Variants in WWOX observed in about 807,000 individuals in gnomAD.
WWOX encodes WW domain containing oxidoreductase.
In WWOX, 69 loss-of-function variants were observed where a neutral mutation model predicts 46.2. The ratio of observed to expected loss-of-function variants is 1.49; its 90% CI spans 1.23 to 1.82. The LOEUF is 1.82. Among genes scored for constraint, WWOX ranks in the 40% most tolerant of loss-of-function variants. The pLI is 0.00. For missense variants in WWOX, 919 were observed against 542.6 expected (o/e 1.69, Z -6.89); for synonymous variants, 359 against 202.6 (o/e 1.77, Z -6.56).
intron 4 of WWOX, among the ~76,000 whole-genome samples, chr16:78,158,233 GT>G (rs1233158915): frequency 1.4e-4 from 21 of 152,294 alleles, no homozygotes; most frequent in African/African-American, 5.1e-4. Context: ...GAAGATAACG[GT>G]ATGCTGATTT....
intron 8 of WWOX, chr16:78,896,845 A>G (rs957882615): frequency 5.9e-5 from 9 of 152,230 alleles, no homozygotes; most frequent in African/African-American, 1.4e-4. Context: ...TGTTCTATAA[A>G]ATTAGCATAT....
intron 8 of WWOX, among the ~76,000 whole-genome samples, chr16:79,023,956 A>AAAAC (rs111358818): frequency 0.76 from 114,656 of 150,860 alleles, 44,342 homozygotes; most frequent in East Asian, 0.94. Flanking sequence ...TCCATCTCAA[A>AAAAC]AAACAAACAA....
chr16:78,702,123 T>TA (rs202235289), intron 8 of WWOX, among the ~76,000 whole-genome samples: 23,192 of 124,774 alleles, frequency 0.19, 2,820 homozygotes, highest in South Asian at 0.27. Flanking sequence ...TATATATATA[T>TA]TTATTTATTT....
chr16:78,965,681 TGTC>T (rs1439353222), intron 8 of WWOX, among the ~76,000 whole-genome samples: 1 of 152,228 alleles, frequency 6.6e-6, no homozygotes, highest in Middle Eastern at 3.2e-3. Context: ...AACCCAGTTC[TGTC>T]GTCGTCATTT....
At chr16:78,975,400 G>A (rs990859701) in intron 8 of WWOX, among the ~76,000 whole-genome samples, 4 of 151,926 alleles carry the variant, frequency 2.6e-5, no homozygotes, top group African/African-American at 9.7e-5. Context: ...AATCTTACGT[G>A]GTCCTGGATG....
intron 5 of WWOX, among the ~76,000 whole-genome samples, chr16:78,355,107 G>A (rs35192490): frequency 0.099 from 15,069 of 151,712 alleles, 823 homozygotes; most frequent in African/African-American, 0.13. Context: ...ACTCCAGCCT[G>A]GGTCACAGAG....
At chr16:78,464,513 C>G (rs1885703808) in intron 8 of WWOX, among the ~76,000 whole-genome samples, 1 of 152,090 alleles carries the variant, frequency 6.6e-6, no homozygotes, top group South Asian at 2.1e-4. Context: ...GGGTGCTTAC[C>G]ATGTGCCATA....
chr16:78,521,575 T>C (rs2043348825), intron 8 of WWOX, among the ~76,000 whole-genome samples: 1 of 152,218 alleles, frequency 6.6e-6, no homozygotes, highest in South Asian at 2.1e-4. Flanking sequence ...AGGGTTGTCA[T>C]GCAAGTTGAT....
chr16:78,269,167 A>T (rs943630644), intron 5 of WWOX: 2 of 152,232 alleles, frequency 1.3e-5, no homozygotes, highest in African/African-American at 4.8e-5. Flanking sequence ...AAGTATGTAT[A>T]TCCAAGTGGA....
intron 8 of WWOX, among the ~76,000 whole-genome samples, chr16:78,928,837 T>C (rs1374537360): frequency 6.6e-6 from 1 of 152,176 alleles, no homozygotes; most frequent in Admixed American, 6.5e-5. Context: ...AACCCAAGCT[T>C]CTCTGTCAAG....
At chr16:78,816,621 A>C (rs1020013562) in intron 8 of WWOX, among the ~76,000 whole-genome samples, 8 of 150,198 alleles carry the variant, frequency 5.3e-5, no homozygotes, top group Non-Finnish European at 1.0e-4. Flanking sequence ...TTGTAATAGT[A>C]AATACAGATG....
intron 8 of WWOX, among the ~76,000 whole-genome samples, chr16:78,953,931 T>C (rs1346749948): frequency 6.6e-6 from 1 of 152,218 alleles, no homozygotes; most frequent in Non-Finnish European, 1.5e-5. Context: ...ACTTCAGTAG[T>C]CATTTACAAA....
intron 5 of WWOX, among the ~76,000 whole-genome samples, chr16:78,368,033 A>T (rs1407368047): frequency 6.6e-6 from 1 of 152,162 alleles, no homozygotes; most frequent in Non-Finnish European, 1.5e-5. Context: ...CTGGGATTAC[A>T]GGTGTGAGCC....
At chr16:78,538,485 A>G (rs536444473) in intron 8 of WWOX, among the ~76,000 whole-genome samples, 2 of 152,276 alleles carry the variant, frequency 1.3e-5, no homozygotes, top group African/African-American at 2.4e-5. Context: ...GACTCCATGG[A>G]TGACCTTTCC....
chr16:78,547,710 C>A lies in WWOX; in HGVS notation c.1056+114958C>A, dbSNP rs1357345167. Among the ~76,000 whole-genome samples, 6 of 152,146 alleles carry A rather than the reference C, an allele frequency of 3.9e-5. 1 individual carries two copies. Among genetic ancestry groups the A allele is most frequent in the Non-Finnish European group, 8.8e-5 (6 of 68,020 alleles). On this transcript the variant is annotated intron_variant, in intron 8 of 8. Coordinates refer to ENST00000566780, the MANE Select transcript of WWOX (RefSeq NM_016373.4). Reference sequence around the variant, plus strand: ...CTTTCTGGTTCCTAGATGTTCACCTCCTTGCTATGTCCTCATATCGTGGGA... The same window carrying A: ...CTTTCTGGTTCCTAGATGTTCACCTACTTGCTATGTCCTCATATCGTGGGA...
chr16:78,324,389 C>A (rs1277660034), intron 5 of WWOX, among the ~76,000 whole-genome samples: 5 of 152,070 alleles, frequency 3.3e-5, no homozygotes, highest in Admixed American at 2.0e-4. Flanking sequence ...TCGGCGGTTC[C>A]TCCAATAGTC....
chr16:78,953,842 C>T (rs1263808534), intron 8 of WWOX, among the ~76,000 whole-genome samples: 1 of 152,234 alleles, frequency 6.6e-6, no homozygotes, highest in Non-Finnish European at 1.5e-5. Context: ...ACTCTCCACT[C>T]TCCTGTAGCA....
chr16:78,321,165 T>C lies in WWOX; in HGVS notation c.517-65695T>C, dbSNP rs539609303. ...GTTGCAAAAAGGAATGTATAGGCCT[T>C]AATTGAAAATGTATCTTTCTGGAAC... On this transcript the variant is annotated intron_variant, in intron 5 of 8. Coordinates refer to ENST00000566780, the MANE Select transcript of WWOX (RefSeq NM_016373.4). Among the ~76,000 whole-genome samples the C allele has an allele frequency of 9.2e-5, 14 of 151,936 alleles. No homozygotes were observed. The East Asian group carries it at 2.5e-3, about 27-fold the overall frequency.
At chr16:78,335,017 C>A (rs746157152) in intron 5 of WWOX, among the ~76,000 whole-genome samples, 1 of 151,894 alleles carries the variant, frequency 6.6e-6, no homozygotes, top group Non-Finnish European at 1.5e-5. Flanking sequence ...AGCCCCTGGA[C>A]CTGCAGTGTC....
Sources: gnomAD v4.1 joint callset for allele counts (sites outside exome capture counted in the v4.1 genomes callset) on GRCh38, gnomAD v4.1.1 for gene constraint, MANE v1.5 for transcripts, NCBI Gene and HGNC (gene_info 2026-07-23, HGNC 2026-07-21) for gene names.